GABRB1: variants seen among roughly 807,000 people sequenced by gnomAD.
GABRB1 encodes the protein gamma-aminobutyric acid receptor subunit beta-1.
A neutral mutation model predicts 51.6 loss-of-function variants in GABRB1; 17 were observed. The ratio of observed to expected loss-of-function variants is 0.33; its 90% CI spans 0.23 to 0.49. GABRB1 has a LOEUF of 0.49. Ranked by LOEUF, GABRB1 falls within the 20% of genes least tolerant of loss-of-function variation. The pLI, the probability that GABRB1 is intolerant of heterozygous loss-of-function variation, is 0.99. For synonymous variants in GABRB1, 247 were observed against 218.9 expected, an observed-to-expected ratio of 1.13 and a Z score of -1.14; for missense variants, 410 against 600.6, an observed-to-expected ratio of 0.68 and a Z score of 3.32.
chr4:47,300,977 T>A (rs1724237986), intron 4 of GABRB1, among the ~76,000 whole-genome samples: 1 of 152,202 alleles, frequency 6.6e-6, no homozygotes, highest in Admixed American at 6.5e-5. Context: ...GCCATTTGTA[T>A]AAATCACCAG....
intron 4 of GABRB1, among the ~76,000 whole-genome samples, chr4:47,209,295 T>C (rs1720259863): frequency 6.6e-6 from 1 of 152,110 alleles, no homozygotes; most frequent in South Asian, 2.1e-4. Flanking sequence ...TTTCAAGCCT[T>C]TCCATTTCCC....
At chr4:47,261,431 TC>T (rs1722433151) in intron 4 of GABRB1, among the ~76,000 whole-genome samples, 1 of 152,066 alleles carries the variant, frequency 6.6e-6, no homozygotes. Flanking sequence ...ATGAGTGAAC[TC>T]CCATTCACAA....
At chr4:47,416,889 T>C (rs1728939388) in intron 8 of GABRB1, among the ~76,000 whole-genome samples, 1 of 152,134 alleles carries the variant, frequency 6.6e-6, no homozygotes, top group Non-Finnish European at 1.5e-5. Context: ...TCACTTAAGA[T>C]GCAAGAGGTG....
At chr4:47,034,072 T>C (rs1725449860) in intron 3 of GABRB1, among the ~76,000 whole-genome samples, 1 of 152,178 alleles carries the variant, frequency 6.6e-6, no homozygotes, top group African/African-American at 2.4e-5. Flanking sequence ...ATTAATAATG[T>C]TAATATTTTT....
chr4:47,028,948 ATCATGGC>A (rs534519083), upstream of GABRB1, among the ~76,000 whole-genome samples: 305 of 151,212 alleles, frequency 2.0e-3, no homozygotes, highest in South Asian at 3.9e-3. Context: ...AATTTATGTT[ATCATGGC>A]TCATTATATC....
At chr4:47,030,432 A>G (rs1725251479), upstream of GABRB1, among the ~76,000 whole-genome samples, 1 of 152,152 alleles carries the variant, frequency 6.6e-6, no homozygotes, top group Non-Finnish European at 1.5e-5. Context: ...TCCCTCATAA[A>G]AGTAAGCAGC....
At chr4:47,190,662 T>C (rs1401868717) in intron 4 of GABRB1, among the ~76,000 whole-genome samples, 1 of 152,074 alleles carries the variant, frequency 6.6e-6, no homozygotes, top group Non-Finnish European at 1.5e-5. Context: ...GCCACATAGG[T>C]AATAAGAAGG....
At position 47,167,749 on chromosome 4, in the gene GABRB1, T is replaced by G. The variant is rs78963089; in HGVS notation, c.461+6280T>G. On this transcript the variant is annotated intron_variant, in intron 4 of 8. Coordinates refer to ENST00000295454, the MANE Select transcript of GABRB1 (RefSeq NM_000812.4). ...GAGTTGGTGTGCCCCCTCTAGCATA[T>G]GTGTTTTGTCTCCCGTGCCCACTTT... Among the ~76,000 whole-genome samples, 895 of 152,238 alleles carry G rather than the reference T, an allele frequency of 5.9e-3. 6 individuals are homozygous for G. The highest frequency in any genetic ancestry group is 0.021 in the African/African-American group (861 of 41,566).
chr4:47,276,977 G>C (rs966721756), intron 4 of GABRB1, among the ~76,000 whole-genome samples: 1 of 152,002 alleles, frequency 6.6e-6, no homozygotes, highest in Non-Finnish European at 1.5e-5. Context: ...TGGTATCTAG[G>C]ATCCCCAAAA....
rs547815094 is a variant in GABRB1 at position 47,248,818 on chromosome 4, T to G, written c.462-71309T>G. On this transcript the variant is annotated intron_variant, in intron 4 of 8. Coordinates refer to ENST00000295454, the MANE Select transcript of GABRB1 (RefSeq NM_000812.4). ...CAAAGGTGTTCATAGTAGCCTTGAT[T>G]GGTCTTTCGTATTGCAGTGGTGTCA... is the stretch of plus-strand genomic sequence containing the variant. 2.6e-5 allele frequency among the ~76,000 whole-genome samples: 4 copies of G among 152,264 alleles called. No homozygotes were observed. The South Asian group carries it at 8.3e-4, about 32-fold the overall frequency.
At chr4:47,340,256 C>G (rs534268963) in intron 5 of GABRB1, among the ~76,000 whole-genome samples, 257 of 152,122 alleles carry the variant, frequency 1.7e-3, no homozygotes, top group African/African-American at 5.9e-3. Flanking sequence ...AAGCTCCTAC[C>G]AACTATCTTA....
At chr4:47,006,177 A>G (rs1724392136) in intron 1 of GABRB1, among the ~76,000 whole-genome samples, 1 of 152,024 alleles carries the variant, frequency 6.6e-6, no homozygotes, top group Admixed American at 6.6e-5. Flanking sequence ...TCCCTGATAT[A>G]TTGAATTATG....
chr4:47,039,724 T>A (rs1013266976), intron 3 of GABRB1, among the ~76,000 whole-genome samples: 18 of 152,166 alleles, frequency 1.2e-4, no homozygotes, highest in Admixed American at 1.2e-3. Flanking sequence ...CCTATATACA[T>A]TTCCACACAG....
chr4:47,113,386 CAAAAAAAAA>C lies in GABRB1; in HGVS notation c.241-47853_241-47845del, dbSNP rs760542350. ...GGGTGACAGAGTGAGACTTCGTCTC[CAAAAAAAAA>C]AAAAAAAAATCATTTAACGTTGAGT... On this transcript the variant is annotated intron_variant, in intron 3 of 8. Coordinates refer to ENST00000295454, the MANE Select transcript of GABRB1 (RefSeq NM_000812.4). Among the ~76,000 whole-genome samples the C allele has an allele frequency of 3.7e-3, 392 of 107,086 alleles. 2 individuals are homozygous for C. The highest frequency in any genetic ancestry group is 0.012 in the African/African-American group (379 of 30,576). 70.3% of individuals were successfully genotyped at this position (107,086 alleles called of 152,430 possible). A position where few individuals can be genotyped will look rare whatever the true frequency, so the allele number is the denominator to read the frequency against.
intron 8 of GABRB1, among the ~76,000 whole-genome samples, chr4:47,422,080 C>T (rs1729108813): frequency 1.3e-5 from 2 of 152,090 alleles, no homozygotes; most frequent in Admixed American, 6.6e-5. Flanking sequence ...GCATCTGGCT[C>T]ATTATTCTCA....
chr4:47,065,055 G>A (rs762995597), intron 3 of GABRB1, among the ~76,000 whole-genome samples: 1 of 152,202 alleles, frequency 6.6e-6, no homozygotes, highest in Non-Finnish European at 1.5e-5. Context: ...AGTACAAGGA[G>A]AGATTTGGCT....
intron 3 of GABRB1, among the ~76,000 whole-genome samples, chr4:47,080,565 T>A (rs7676887): frequency 0.47 from 71,188 of 151,500 alleles, 16,967 homozygotes; most frequent in African/African-American, 0.52. Context: ...TCTTTTTTTT[T>A]AAAAAAAATT....
intron 5 of GABRB1, among the ~76,000 whole-genome samples, chr4:47,376,538 T>C (rs918160371): frequency 7.9e-5 from 12 of 152,092 alleles, no homozygotes; most frequent in Non-Finnish European, 1.6e-4. Context: ...TCCCAGCTAC[T>C]TGGGGGGCTG....
chr4:47,195,465 A>T (rs200794734), intron 4 of GABRB1, among the ~76,000 whole-genome samples: 1,402 of 79,730 alleles, frequency 0.018, 11 homozygotes, highest in South Asian at 0.066. Flanking sequence ...ATTAGATGAT[A>T]GATAGATAGA....
Sources: allele counts gnomAD v4.1 joint callset (sites outside exome capture counted in the v4.1 genomes callset), GRCh38; gene constraint gnomAD v4.1.1; transcripts MANE v1.5; gene names NCBI Gene and HGNC (gene_info 2026-07-23, HGNC 2026-07-21).